Variants in NALF1 observed in about 807,000 individuals in gnomAD.
NALF1 encodes family with sequence similarity 155 member A.
A neutral mutation model predicts 48.4 loss-of-function variants in NALF1; 3 were observed. The observed-to-expected ratio is 0.06, with a 90% CI of 0.03 to 0.16. The LOEUF (loss-of-function observed/expected upper bound fraction) is 0.16. Among genes scored for constraint, NALF1 ranks in the 10% least tolerant of loss-of-function variants. The pLI is 1.00. For missense variants in NALF1, 526 were observed against 571.5 expected, an observed-to-expected ratio of 0.92 and a Z score of 0.81; for synonymous variants, 262 against 245.7, an observed-to-expected ratio of 1.07 and a Z score of -0.62.
chr13:107,814,571 G>A (rs1376580973), intron 1 of NALF1, among the ~76,000 whole-genome samples: 1 of 152,048 alleles, frequency 6.6e-6, no homozygotes, highest in African/African-American at 2.4e-5. Flanking sequence ...AACAACAGAA[G>A]AAGTTACTAG....
At chr13:107,860,165 T>C (rs1880532758) in intron 1 of NALF1, among the ~76,000 whole-genome samples, 1 of 152,074 alleles carries the variant, frequency 6.6e-6, no homozygotes, top group African/African-American at 2.4e-5. Context: ...CACACATCCA[T>C]CTCCTTCTCT....
At chr13:107,426,221 T>G (rs1211204261) in intron 1 of NALF1, among the ~76,000 whole-genome samples, 1 of 152,176 alleles carries the variant, frequency 6.6e-6, no homozygotes, top group Non-Finnish European at 1.5e-5. Flanking sequence ...CAAAATTACT[T>G]CCTCAGGAAG....
intron 1 of NALF1, among the ~76,000 whole-genome samples, chr13:107,314,057 T>C (rs544469583): frequency 1.3e-5 from 2 of 152,198 alleles, no homozygotes; most frequent in South Asian, 4.1e-4. Flanking sequence ...AACTACAACT[T>C]AAAATAACTT....
At chr13:107,515,323 G>A (rs1876021298) in intron 1 of NALF1, among the ~76,000 whole-genome samples, 1 of 152,150 alleles carries the variant, frequency 6.6e-6, no homozygotes, top group Admixed American at 6.5e-5. Context: ...ACGAGAAATT[G>A]TATCTTTGGA....
chr13:107,388,355 A>G (rs532546179), intron 1 of NALF1, among the ~76,000 whole-genome samples: 1 of 152,356 alleles, frequency 6.6e-6, no homozygotes, highest in African/African-American at 2.4e-5. Flanking sequence ...GCCCTCTGCT[A>G]AAAGCTCCAT....
rs1323872660 is a variant in NALF1 at position 107,724,849 on chromosome 13, G to A, written c.915+140833C>T. ...ACCCACCTTGGCATCCCAAAGCTCT[G>A]GGATTACAGGCATGAACCACCGTGC... On this transcript the variant is annotated intron_variant, in intron 1 of 2. Transcript: ENST00000375915. Among the ~76,000 whole-genome samples, 4 of 152,046 alleles carry A rather than the reference G, an allele frequency of 2.6e-5. No homozygotes were observed. The East Asian group carries it at 7.7e-4, about 29-fold the overall frequency.
At chr13:107,575,943 GTA>G (rs1878129040) in intron 1 of NALF1, among the ~76,000 whole-genome samples, 1 of 150,098 alleles carries the variant, frequency 6.7e-6, no homozygotes, top group African/African-American at 2.4e-5. Flanking sequence ...GCATGTGTGT[GTA>G]TGTGTATGTG....
rs988246338 is a variant in NALF1, at chr13:107,577,479, C to A, written c.915+288203G>T. ...GAGAGAAAGCTAGATATCTGCAATA[C>A]CCCCAAATTATCAAGTCAGTAGAAA... On this transcript the variant is annotated intron_variant, in intron 1 of 2. Coordinates refer to ENST00000375915, the MANE Select transcript of NALF1 (RefSeq NM_001080396.3). Among the ~76,000 whole-genome samples, 5 of 4,470 alleles carry A rather than the reference C, an allele frequency of 1.1e-3. No homozygotes were observed. The East Asian group carries it at 0.048, about 43-fold the overall frequency. 2.9% of individuals were successfully genotyped at this position (4,470 alleles called of 152,430 possible). A position where few individuals can be genotyped will look rare whatever the true frequency, so the allele number is the denominator to read the frequency against.
At chr13:107,308,220 T>TTA (rs1366861099) in intron 1 of NALF1, among the ~76,000 whole-genome samples, 1 of 142,350 alleles carries the variant, frequency 7.0e-6, no homozygotes, top group Non-Finnish European at 1.6e-5. Flanking sequence ...TTTTTTTTTT[T>TTA]AGACAGAGTC....
intron 1 of NALF1, among the ~76,000 whole-genome samples, chr13:107,679,461 G>C (rs1247104104): frequency 6.6e-6 from 1 of 152,200 alleles, no homozygotes; most frequent in Admixed American, 6.5e-5. Context: ...GGTAGTTACA[G>C]AGCCAGCCCT....
chr13:107,218,814 A>G (rs1186041044), intron 1 of NALF1, among the ~76,000 whole-genome samples: 1 of 145,696 alleles, frequency 6.9e-6, no homozygotes, highest in East Asian at 2.1e-4. Flanking sequence ...ATGGAAGGCC[A>G]CAGAGCTTCA....
chr13:107,604,390 T>C (rs1332510613), intron 1 of NALF1, among the ~76,000 whole-genome samples: 1 of 152,208 alleles, frequency 6.6e-6, no homozygotes, highest in Non-Finnish European at 1.5e-5. Flanking sequence ...TATTTTCTCA[T>C]TTGTATAATT....
At chr13:107,794,469 G>T (rs755264106) in intron 1 of NALF1, among the ~76,000 whole-genome samples, 1 of 128,486 alleles carries the variant, frequency 7.8e-6, no homozygotes, top group Non-Finnish European at 1.6e-5. Context: ...CTAGCATGCA[G>T]TGTTTTTTTT....
chr13:107,405,594 C>A (rs1246066638), intron 1 of NALF1, among the ~76,000 whole-genome samples: 1 of 152,006 alleles, frequency 6.6e-6, no homozygotes. Flanking sequence ...TTGTGATCTA[C>A]ATTAGAACTC....
At chr13:107,536,947 G>A (rs887763849) in intron 1 of NALF1, among the ~76,000 whole-genome samples, 6 of 152,220 alleles carry the variant, frequency 3.9e-5, no homozygotes, top group African/African-American at 1.4e-4. Flanking sequence ...GGATGAAGCT[G>A]GAAACCATCA....
At chr13:107,396,674 G>T (rs768347946) in intron 1 of NALF1, among the ~76,000 whole-genome samples, 5 of 152,130 alleles carry the variant, frequency 3.3e-5, no homozygotes, top group Non-Finnish European at 7.4e-5. Flanking sequence ...CACATTATTA[G>T]CACTTACTGA....
intron 1 of NALF1, among the ~76,000 whole-genome samples, chr13:107,573,219 TA>T (rs1397008688): frequency 6.6e-6 from 1 of 152,218 alleles, no homozygotes; most frequent in Admixed American, 6.5e-5. Flanking sequence ...CCAATGGTAG[TA>T]AGCACACCAA....
intron 1 of NALF1, among the ~76,000 whole-genome samples, chr13:107,437,247 C>T (rs573856228): frequency 4.8e-4 from 73 of 152,146 alleles, no homozygotes; most frequent in Admixed American, 1.3e-3. Context: ...ACCACCAAAA[C>T]CTGCCCCACA....
At chr13:107,314,977 G>A (rs1882117350) in intron 1 of NALF1, among the ~76,000 whole-genome samples, 1 of 152,124 alleles carries the variant, frequency 6.6e-6, no homozygotes, top group Non-Finnish European at 1.5e-5. Context: ...TTCTATGAAA[G>A]TATCAACCCA....
Sources: allele counts gnomAD v4.1 joint callset (sites outside exome capture counted in the v4.1 genomes callset), GRCh38; gene constraint gnomAD v4.1.1; transcripts MANE v1.5; gene names NCBI Gene and HGNC (gene_info 2026-07-23, HGNC 2026-07-21).